SYT14: variants seen among roughly 807,000 people sequenced by gnomAD.
SYT14 encodes synaptotagmin-14.
A neutral mutation model predicts 74.2 loss-of-function variants in SYT14; 32 were observed. The ratio of observed to expected loss-of-function variants is 0.43; its 90% CI spans 0.33 to 0.58. The LOEUF is 0.58. Ranked by LOEUF, SYT14 falls within the 20% of genes least tolerant of loss-of-function variation. SYT14 has a pLI of 0.05. For missense variants in SYT14, 791 were observed against 981.8 expected, an observed-to-expected ratio of 0.81 and a Z score of 2.60; for synonymous variants, 298 against 337.7, an observed-to-expected ratio of 0.88 and a Z score of 1.29.
chr1:209,974,090 C>T (rs2102765201), intron 2 of SYT14, among the ~76,000 whole-genome samples: 1 of 151,528 alleles, frequency 6.6e-6, no homozygotes, highest in East Asian at 1.9e-4. Flanking sequence ...TGTTTGAGTT[C>T]ATTGTAGAAT....
chr1:210,159,310 C>G, intron 8 of SYT14, 111 bp from the exon 8 acceptor site: 2 of 1,034,902 alleles, frequency 1.9e-6, no homozygotes, highest in East Asian at 2.6e-5. Context: ...TTGTGTTCTT[C>G]CACTCCAGTG....
intron 2 of SYT14, among the ~76,000 whole-genome samples, chr1:209,977,664 G>A (rs2079393765): frequency 6.6e-6 from 1 of 152,130 alleles, no homozygotes; most frequent in South Asian, 2.1e-4. Context: ...CAACTTTGAT[G>A]AATCTGACAA....
chr1:210,037,057 G>A (rs1197790333), intron 5 of SYT14, among the ~76,000 whole-genome samples: 1 of 151,788 alleles, frequency 6.6e-6, no homozygotes, highest in Non-Finnish European at 1.5e-5. Context: ...ATCTGGTCCT[G>A]GGCTTTTTTG....
chr1:210,000,500 A>ACACACACACACAAT (rs3031236), intron 2 of SYT14, among the ~76,000 whole-genome samples: 1 of 150,508 alleles, frequency 6.6e-6, no homozygotes, highest in African/African-American at 2.5e-5. Context: ...ACACACACAC[A>ACACACACACACAAT]ATCTAAGAAA....
intron 5 of SYT14, among the ~76,000 whole-genome samples, chr1:210,081,564 T>C: frequency 6.6e-6 from 1 of 152,214 alleles, no homozygotes; most frequent in East Asian, 1.9e-4. Context: ...CACATGCTGT[T>C]GGGAAAATGG....
intron 3 of SYT14, among the ~76,000 whole-genome samples, chr1:210,015,245 A>G (rs2080159610): frequency 6.6e-6 from 1 of 152,150 alleles, no homozygotes; most frequent in Admixed American, 6.5e-5. Flanking sequence ...TAGCCTCTGG[A>G]TAACTCCAGT....
chr1:210,032,095 C>T (rs2080549467), intron 5 of SYT14, among the ~76,000 whole-genome samples: 1 of 151,922 alleles, frequency 6.6e-6, no homozygotes, highest in African/African-American at 2.4e-5. Context: ...TTCCTTTTTT[C>T]TCTTCTTCAT....
chr1:210,052,438 G>A (rs1018136134), intron 5 of SYT14, among the ~76,000 whole-genome samples: 6 of 151,968 alleles, frequency 3.9e-5, no homozygotes, highest in African/African-American at 1.2e-4. Flanking sequence ...CGAGGCGGGC[G>A]GATCATCTGA....
chr1:209,967,157 A>G (rs1342819104), intron 2 of SYT14, among the ~76,000 whole-genome samples: 1 of 152,156 alleles, frequency 6.6e-6, no homozygotes, highest in African/African-American at 2.4e-5. Context: ...CATTTATGAG[A>G]TAAATTCCAC....
intron 7 of SYT14, among the ~76,000 whole-genome samples, chr1:210,104,895 T>A (rs1450830242): frequency 1.3e-5 from 2 of 152,156 alleles, no homozygotes; most frequent in African/African-American, 4.8e-5. Context: ...ATTTTCATTA[T>A]TATATATATG....
At chr1:210,053,554 G>A (rs1482764706) in intron 5 of SYT14, among the ~76,000 whole-genome samples, 1 of 152,192 alleles carries the variant, frequency 6.6e-6, no homozygotes. Context: ...GGAAATGAGA[G>A]GCAGGAAGAT....
intron 2 of SYT14, among the ~76,000 whole-genome samples, chr1:209,986,463 A>G (rs1018140783): frequency 2.6e-5 from 4 of 151,974 alleles, no homozygotes; most frequent in Admixed American, 2.0e-4. Context: ...TTTAAAAAAA[A>G]TTAGCCGGGC....
chr1:210,032,653 G>GT (rs2080566196), intron 5 of SYT14, among the ~76,000 whole-genome samples: 1 of 90,840 alleles, frequency 1.1e-5, no homozygotes, highest in African/African-American at 8.4e-5. Flanking sequence ...CTAGTACCCA[G>GT]TAAAAAAAAA....
chr1:210,049,506 A>G (rs564522594), intron 5 of SYT14, among the ~76,000 whole-genome samples: 19 of 151,206 alleles, frequency 1.3e-4, no homozygotes, highest in Admixed American at 4.6e-4. Context: ...ATAGGTATAC[A>G]TGTGCCATGA....
chr1:210,048,510 A>C (rs899767059), intron 5 of SYT14, among the ~76,000 whole-genome samples: 3 of 152,088 alleles, frequency 2.0e-5, no homozygotes, highest in Non-Finnish European at 4.4e-5. Context: ...CATGAGTGAG[A>C]CTCAGTCACT....
chr1:209,953,305 G>A lies in SYT14; in HGVS notation c.-486+549G>A, dbSNP rs1056985381. The A allele has an allele frequency of 2.4e-6, 3 of 1,243,940 alleles. No individual in the cohort carries two copies. In the African/African-American group the frequency reaches 4.6e-5, roughly 19 times the overall value. 77.1% of individuals were successfully genotyped at this position (1,243,940 alleles called of 1,614,324 possible). ...GAGGCAAGGAATCAGGTATTCTCTAGATTTGGAAGAATCAGGAGAACCTTG... is the reference window on the plus strand; with the variant it reads ...GAGGCAAGGAATCAGGTATTCTCTAAATTTGGAAGAATCAGGAGAACCTTG... On this transcript the variant is annotated intron_variant, in intron 2 of 9. Transcript: ENST00000637265.
At chr1:209,956,129 T>TA (rs1351341208) in intron 2 of SYT14, among the ~76,000 whole-genome samples, 6 of 152,188 alleles carry the variant, frequency 3.9e-5, no homozygotes. Context: ...CTGTCATTCT[T>TA]ATTTTTCTTC....
chr1:210,052,725 A>G (rs924802157), intron 5 of SYT14, among the ~76,000 whole-genome samples: 1 of 149,792 alleles, frequency 6.7e-6, no homozygotes, highest in African/African-American at 2.4e-5. Context: ...AAAGCAATTT[A>G]TTAAATATTA....
At chr1:209,986,826 A>G (rs2079579029) in intron 2 of SYT14, among the ~76,000 whole-genome samples, 1 of 151,766 alleles carries the variant, frequency 6.6e-6, no homozygotes, top group Non-Finnish European at 1.5e-5. Flanking sequence ...GTTTCACCAT[A>G]TTGGTCAGGC....
Sources: allele counts gnomAD v4.1 joint callset (sites outside exome capture counted in the v4.1 genomes callset), GRCh38; gene constraint gnomAD v4.1.1; transcripts MANE v1.5; gene names NCBI Gene and HGNC (gene_info 2026-07-23, HGNC 2026-07-21).